FMN2: variants seen among roughly 807,000 people sequenced by gnomAD.
FMN2 encodes formin-2.
Under a neutral mutation model 142.3 loss-of-function variants are expected in FMN2, and 51 were observed. The observed-to-expected ratio is 0.36, with a 90% CI of 0.29 to 0.45. The LOEUF is 0.45. Ranked by LOEUF, FMN2 falls within the 20% of genes least tolerant of loss-of-function variation. FMN2 has a pLI of 1.00. For synonymous variants in FMN2, 882 were observed against 869.8 expected (o/e 1.01, Z -0.25); for missense variants, 1,936 against 2,122.8 (o/e 0.91, Z 1.73).
intron 8 of FMN2, among the ~76,000 whole-genome samples, chr1:240,326,643 G>A (rs1671179979): frequency 1.3e-5 from 2 of 151,944 alleles, no homozygotes; most frequent in South Asian, 4.1e-4. Flanking sequence ...TAGATTGAGT[G>A]TATATTAAGG....
intron 15 of FMN2, among the ~76,000 whole-genome samples, chr1:240,428,220 C>T (rs115337732): frequency 6.8e-4 from 102 of 149,676 alleles, no homozygotes; most frequent in African/African-American, 2.4e-3. Context: ...TACTGATCTC[C>T]AAAACATTTC....
chr1:240,153,099 T>C (rs1290939799), intron 2 of FMN2, among the ~76,000 whole-genome samples: 2 of 152,172 alleles, frequency 1.3e-5, no homozygotes, highest in Non-Finnish European at 2.9e-5. Context: ...GTCTGAGTCA[T>C]GGCTTTGCTG....
At chr1:240,439,799 G>A (rs1675546160) in intron 16 of FMN2, among the ~76,000 whole-genome samples, 1 of 146,824 alleles carries the variant, frequency 6.8e-6, no homozygotes, top group African/African-American at 2.6e-5. Flanking sequence ...AAACAGGCTT[G>A]CTCAGTTTGG....
At chr1:240,290,229 A>C (rs1669732858) in intron 7 of FMN2, among the ~76,000 whole-genome samples, 1 of 152,214 alleles carries the variant, frequency 6.6e-6, no homozygotes, top group African/African-American at 2.4e-5. Context: ...GACATTTTAA[A>C]TATCTTAGGT....
chr1:240,221,377 C>G (rs1667105220), intron 6 of FMN2, among the ~76,000 whole-genome samples: 1 of 152,168 alleles, frequency 6.6e-6, no homozygotes, highest in African/African-American at 2.4e-5. Flanking sequence ...TCTCCAGCAT[C>G]TGTTATTTCC....
At chr1:240,184,927 T>G (rs12143258) in intron 3 of FMN2, among the ~76,000 whole-genome samples, 1 of 115,302 alleles carries the variant, frequency 8.7e-6, no homozygotes, top group African/African-American at 3.3e-5. Context: ...ATGTTCCCTT[T>G]ACTTTCTCCC....
chr1:240,175,752 G>A (rs568820490), intron 2 of FMN2, among the ~76,000 whole-genome samples: 1 of 152,070 alleles, frequency 6.6e-6, no homozygotes, highest in Non-Finnish European at 1.5e-5. Context: ...CATTCTCTTG[G>A]GTGTGAGGTG....
At chr1:240,448,761 C>A (rs1217313914) in intron 16 of FMN2, among the ~76,000 whole-genome samples, 1 of 152,100 alleles carries the variant, frequency 6.6e-6, no homozygotes, top group Non-Finnish European at 1.5e-5. Context: ...GTTGAGGCAG[C>A]AGTGAGCCAT....
chr1:240,436,591 C>T (rs765893629), intron 15 of FMN2, among the ~76,000 whole-genome samples: 18 of 151,408 alleles, frequency 1.2e-4, no homozygotes, highest in Admixed American at 4.0e-4. Flanking sequence ...GCAGGAGAAT[C>T]GCTTGTACCC....
intron 16 of FMN2, among the ~76,000 whole-genome samples, chr1:240,438,724 C>T (rs944599398): frequency 6.6e-6 from 1 of 152,126 alleles, no homozygotes; most frequent in African/African-American, 2.4e-5. Flanking sequence ...TAAAATAAAT[C>T]TTTTCAGGAA....
At chr1:240,155,205 C>T (rs998981217) in intron 2 of FMN2, among the ~76,000 whole-genome samples, 3 of 151,956 alleles carry the variant, frequency 2.0e-5, no homozygotes, top group South Asian at 2.1e-4. Flanking sequence ...TCTTTGCTTT[C>T]GATGAAGATG....
chr1:240,334,358 G>A (rs975476243), intron 13 of FMN2, 129 bp downstream of exon 13: 10 of 1,083,356 alleles, frequency 9.2e-6, no homozygotes, highest in Non-Finnish European at 1.2e-5. Context: ...TGTGTGTGGC[G>A]AAAGAACAAT....
At chr1:240,200,233 G>A (rs1398964170) in intron 4 of FMN2, among the ~76,000 whole-genome samples, 1 of 152,190 alleles carries the variant, frequency 6.6e-6, no homozygotes, top group African/African-American at 2.4e-5. Flanking sequence ...TCCACTTTGT[G>A]TGGGTCCTGA....
chr1:240,333,896 A>G lies in FMN2; in HGVS notation c.4594A>G (p.Arg1532Gly). The change falls in exon 12 of 18, where the codon AGA (arginine) becomes GGA (glycine). Residue 1532 changes from arginine to glycine, a missense_variant. Transcript: ENST00000319653. Reference sequence around the variant, plus strand: ...TGGTCTTTCTGCCTAGGACAATAGCAGAAGCCTTTTGTCATATATTGTTTC... The same window carrying G: ...TGGTCTTTCTGCCTAGGACAATAGCGGAAGCCTTTTGTCATATATTGTTTC... Reference protein sequence around the residue: ...LKDVKSSDNSRSLLSYIVSYY... With the variant: ...LKDVKSSDNSGSLLSYIVSYY... 1 of 1,607,190 alleles carries G rather than the reference A, an allele frequency of 6.2e-7. No individual in the cohort carries two copies. Among genetic ancestry groups the G allele is most frequent in the Non-Finnish European group, 8.5e-7 (1 of 1,177,382 alleles).
Position 240,235,536 on chromosome 1 carries a change from C to T in FMN2, c.4066-22409C>T, listed in dbSNP as rs557823129. ...AGGTGATTCTTCTGCCTCAGCCTCC[C>T]AAGTATCTGGGATTATAGGTGCATG... On this transcript the variant is annotated intron_variant, in intron 6 of 17. Coordinates refer to ENST00000319653, the MANE Select transcript of FMN2 (RefSeq NM_020066.5). Among the ~76,000 whole-genome samples the T allele has an allele frequency of 4.6e-5, 7 of 152,032 alleles. No homozygotes were observed. The South Asian group carries it at 1.5e-3, about 32-fold the overall frequency.
intron 2 of FMN2, among the ~76,000 whole-genome samples, chr1:240,175,370 G>A (rs1474560031): frequency 6.6e-6 from 1 of 152,146 alleles, no homozygotes; most frequent in African/African-American, 2.4e-5. Context: ...GGATCATATA[G>A]TAATTCTATT....
chr1:240,409,280 C>T (rs529082888), intron 15 of FMN2, among the ~76,000 whole-genome samples: 2 of 152,042 alleles, frequency 1.3e-5, no homozygotes, highest in African/African-American at 4.8e-5. Context: ...TAGCTGGGAC[C>T]GCAGGCGTAC....
chr1:240,249,834 C>T (rs1018890675), intron 6 of FMN2, among the ~76,000 whole-genome samples: 1 of 151,854 alleles, frequency 6.6e-6, no homozygotes, highest in Non-Finnish European at 1.5e-5. Flanking sequence ...AAATTTATTC[C>T]TAAGTTATTT....
intron 2 of FMN2, among the ~76,000 whole-genome samples, chr1:240,125,669 A>G (rs1225411454): frequency 6.6e-6 from 1 of 152,206 alleles, no homozygotes; most frequent in East Asian, 1.9e-4. Context: ...TTGCCAGTCG[A>G]TAAATGTAGA....
Sources: gnomAD v4.1 joint callset for allele counts (sites outside exome capture counted in the v4.1 genomes callset) on GRCh38, gnomAD v4.1.1 for gene constraint, MANE v1.5 for transcripts, NCBI Gene and HGNC (gene_info 2026-07-23, HGNC 2026-07-21) for gene names.